PSD3: variants seen among roughly 807,000 people sequenced by gnomAD.
PSD3 encodes the protein pleckstrin and Sec7 domain containing 3, also known as PH and SEC7 domain-containing protein 3.
Under a neutral mutation model 105.5 loss-of-function variants are expected in PSD3, and 49 were observed. The observed-to-expected ratio is 0.46, with a 90% confidence interval of 0.37 to 0.59. PSD3 has a LOEUF of 0.59. PSD3 is among the 20% of genes least tolerant of loss of function. PSD3 has a pLI of 0.00. For synonymous variants in PSD3, 557 were observed against 457.8 expected (o/e 1.22, Z -2.77); for missense variants, 1,561 against 1,263.8 (o/e 1.24, Z -3.57).
At chr8:18,891,856 T>C (rs1452142878) in intron 2 of PSD3, among the ~76,000 whole-genome samples, 6 of 152,252 alleles carry the variant, frequency 3.9e-5, no homozygotes, top group Non-Finnish European at 8.8e-5. Context: ...TCTTCTGGTA[T>C]CTTTTTGAGA....
At position 18,815,094 on chromosome 8, in the gene PSD3, T is replaced by C. The variant is rs1053751985; in HGVS notation, c.1635-10196A>G. 1.3e-5 allele frequency among the ~76,000 whole-genome samples: 2 copies of C among 152,196 alleles called. 1 individual carries two copies. Among genetic ancestry groups the C allele is most frequent in the South Asian group, 4.1e-4 (2 of 4,832 alleles). On this transcript the variant is annotated intron_variant, in intron 4 of 15. Transcript: ENST00000327040. ...TAAATATGAATTTAGTTTGATCAAA[T>C]ACTCTCCTTTCTTGATTAGGTAATA...
At chr8:18,733,450 C>G in intron 9 of PSD3, 1 of 152,706 alleles carries the variant, frequency 6.5e-6, no homozygotes, top group Admixed American at 6.5e-5. Context: ...CCATCCCCCT[C>G]TTGAAATCCT....
At chr8:18,727,792 C>T (rs752519478) in intron 9 of PSD3, among the ~76,000 whole-genome samples, 27 of 152,140 alleles carry the variant, frequency 1.8e-4, no homozygotes, top group Non-Finnish European at 3.8e-4. Context: ...CACCTACTCT[C>T]CCAAGTAAAA....
At chr8:19,051,153 G>C (rs1468475762) in intron 1 of PSD3, among the ~76,000 whole-genome samples, 2 of 152,082 alleles carry the variant, frequency 1.3e-5, no homozygotes, top group Non-Finnish European at 2.9e-5. Flanking sequence ...ATGGCTCTTA[G>C]AATAAACACA....
At chr8:18,899,032 G>T (rs1478545839) in intron 2 of PSD3, among the ~76,000 whole-genome samples, 1 of 152,174 alleles carries the variant, frequency 6.6e-6, no homozygotes, top group Non-Finnish European at 1.5e-5. Flanking sequence ...CCATATGATA[G>T]AAGGGTCAAC....
At chr8:18,809,043 C>G (rs1811455420) in intron 4 of PSD3, 2 of 865,318 alleles carry the variant, frequency 2.3e-6, no homozygotes, top group African/African-American at 3.4e-5. Flanking sequence ...AAACAGTGAG[C>G]CCAGCCTCGT....
intron 4 of PSD3, among the ~76,000 whole-genome samples, chr8:18,828,928 G>C (rs1490727831): frequency 6.6e-6 from 1 of 152,132 alleles, no homozygotes; most frequent in Non-Finnish European, 1.5e-5. Flanking sequence ...GTGAAACCCT[G>C]TCTTTACTAA....
intron 1 of PSD3, among the ~76,000 whole-genome samples, chr8:19,031,102 A>C (rs1472718115): frequency 1.3e-5 from 2 of 152,212 alleles, no homozygotes; most frequent in Non-Finnish European, 2.9e-5. Context: ...CTTCATGCCT[A>C]GCACCTACAA....
chr8:18,959,666 A>G (rs193231160), intron 1 of PSD3, among the ~76,000 whole-genome samples: 4 of 152,236 alleles, frequency 2.6e-5, no homozygotes, highest in African/African-American at 9.6e-5. Context: ...TACTTTTATT[A>G]CTGATAAAAG....
intron 9 of PSD3, among the ~76,000 whole-genome samples, chr8:18,743,405 C>T (rs1301201790): frequency 6.6e-6 from 1 of 152,062 alleles, no homozygotes; most frequent in Non-Finnish European, 1.5e-5. Flanking sequence ...AAATGGTCCT[C>T]TTTAGAAAAT....
intron 3 of PSD3, among the ~76,000 whole-genome samples, chr8:18,869,478 C>T (rs2129456998): frequency 6.6e-6 from 1 of 152,266 alleles, no homozygotes; most frequent in Middle Eastern, 3.4e-3. Flanking sequence ...CATGCCAAGC[C>T]TCCCCTGCTC....
intron 2 of PSD3, among the ~76,000 whole-genome samples, chr8:18,917,515 C>T (rs565065878): frequency 5.9e-5 from 9 of 152,148 alleles, no homozygotes; most frequent in East Asian, 1.9e-4. Context: ...TTAAGCAAAA[C>T]GACCTACAGC....
chr8:18,790,935 C>T (rs1361826471), intron 8 of PSD3, among the ~76,000 whole-genome samples: 1 of 152,164 alleles, frequency 6.6e-6, no homozygotes, highest in Non-Finnish European at 1.5e-5. Flanking sequence ...CACCAAAAGT[C>T]AAGCCGACAG....
At chr8:18,773,507 G>C (rs541111174) in intron 8 of PSD3, among the ~76,000 whole-genome samples, 1 of 152,004 alleles carries the variant, frequency 6.6e-6, no homozygotes, top group Admixed American at 6.5e-5. Flanking sequence ...TCCATCTCTG[G>C]GATAAATGTT....
intron 9 of PSD3, among the ~76,000 whole-genome samples, chr8:18,727,646 A>G (rs1803435162): frequency 6.6e-6 from 1 of 151,406 alleles, no homozygotes; most frequent in African/African-American, 2.4e-5. Context: ...CCCCTACTAC[A>G]CTATTCCAGG....
At chr8:18,665,010 G>A (rs775685864) in intron 9 of PSD3, among the ~76,000 whole-genome samples, 24 of 152,172 alleles carry the variant, frequency 1.6e-4, no homozygotes, top group Admixed American at 4.6e-4. Context: ...AGAGCACCTC[G>A]TCACCCAAGA....
intron 1 of PSD3, among the ~76,000 whole-genome samples, chr8:19,040,051 A>C (rs1424208949): frequency 6.6e-6 from 1 of 152,192 alleles, no homozygotes; most frequent in Admixed American, 6.5e-5. Flanking sequence ...TGAATGAGGG[A>C]ATGCACCACA....
chr8:18,864,398 A>G (rs1816674240), intron 4 of PSD3, among the ~76,000 whole-genome samples: 1 of 152,242 alleles, frequency 6.6e-6, no homozygotes, highest in Non-Finnish European at 1.5e-5. Context: ...TCATGTGTTT[A>G]CTAAATAAAT....
intron 1 of PSD3, among the ~76,000 whole-genome samples, chr8:18,970,848 G>C (rs937303183): frequency 6.6e-6 from 1 of 151,850 alleles, no homozygotes; most frequent in African/African-American, 2.4e-5. Context: ...CCAACTACTT[G>C]GGAGGCTGTA....
Sources: gnomAD v4.1 joint callset for allele counts (sites outside exome capture counted in the v4.1 genomes callset) on GRCh38, gnomAD v4.1.1 for gene constraint, MANE v1.5 for transcripts, NCBI Gene and HGNC (gene_info 2026-07-23, HGNC 2026-07-21) for gene names.